SMAD3: variants seen among roughly 807,000 people sequenced by gnomAD.
SMAD3 encodes SMAD family member 3, also known as MAD homolog 3.
SMAD3 carries 12 observed loss-of-function variants against 51.8 expected under a neutral mutation model. That is an observed-to-expected ratio of 0.23 (90% CI 0.15 to 0.38). The LOEUF (loss-of-function observed/expected upper bound fraction) is 0.38. SMAD3 is among the 10% of genes least tolerant of loss of function. The pLI is 1.00. For synonymous variants in SMAD3, 238 were observed against 227.7 expected (o/e 1.05, Z -0.41); for missense variants, 294 against 565.6 (o/e 0.52, Z 4.87).
At chr15:67,080,031 C>A (rs549249501) in intron 1 of SMAD3, among the ~76,000 whole-genome samples, 2 of 152,124 alleles carry the variant, frequency 1.3e-5, no homozygotes, top group African/African-American at 4.8e-5. Flanking sequence ...TGAAAAGGGG[C>A]AGCATTATTA....
In SMAD3 at chr15:67,129,199, CA is replaced by C. The variant is rs766485559; in HGVS notation, c.207-35695del. Reference sequence around the variant, plus strand: ...ATGGGAAACATAAAGCAGGAACTAACAGGACTCCTCTCTCAAGAAGGAATTT... The same window carrying C: ...ATGGGAAACATAAAGCAGGAACTAACGGACTCCTCTCTCAAGAAGGAATTT... On this transcript the variant is annotated intron_variant, in intron 1 of 8. Transcript: ENST00000327367. Among the ~76,000 whole-genome samples, 8 of 152,322 alleles carry C rather than the reference CA, an allele frequency of 5.3e-5. 1 individual carries two copies. The East Asian group carries it at 1.4e-3, about 26-fold the overall frequency.
intron 6 of SMAD3, among the ~76,000 whole-genome samples, chr15:67,183,019 ATATATATATATATTTT>A (rs1229738026): frequency 1.1e-4 from 8 of 73,592 alleles, no homozygotes; most frequent in East Asian, 1.0e-3. Context: ...ATATATATAT[ATATATATATATATTTT>A]TTTTTTTTTT....
chr15:67,173,501 G>A (rs1391922370), intron 5 of SMAD3, among the ~76,000 whole-genome samples: 1 of 152,182 alleles, frequency 6.6e-6, no homozygotes. Context: ...TCTGAGGACA[G>A]CTGGCATGGT....
intron 1 of SMAD3, among the ~76,000 whole-genome samples, chr15:67,113,583 G>T (rs1272123667): frequency 1.3e-5 from 2 of 152,208 alleles, no homozygotes; most frequent in African/African-American, 4.8e-5. Flanking sequence ...AGGTTTGTGA[G>T]ATTGTTGGAA....
rs140181836 is a variant in SMAD3, at chr15:67,184,049, C to T, written c.872-678C>T. Among the ~76,000 whole-genome samples the T allele has an allele frequency of 1.9e-3, 281 of 150,954 alleles. 1 individual carries two copies. The highest frequency in any genetic ancestry group is 7.0e-3 in the Middle Eastern group (2 of 286). ...CAGCAAGAAAAGCTGACACCAGGCACTTACTGTGTGTCTCACAGTAATCCT... is the reference window on the plus strand; with the variant it reads ...CAGCAAGAAAAGCTGACACCAGGCATTTACTGTGTGTCTCACAGTAATCCT... On this transcript the variant is annotated intron_variant, in intron 6 of 8. Coordinates refer to ENST00000327367, the MANE Select transcript of SMAD3 (RefSeq NM_005902.4).
At chr15:67,074,705 T>A (rs1428828906) in intron 1 of SMAD3, among the ~76,000 whole-genome samples, 3 of 152,204 alleles carry the variant, frequency 2.0e-5, no homozygotes, top group African/African-American at 7.2e-5. Context: ...TTTTTTGTTT[T>A]TTGAGACGGA....
chr15:67,147,608 T>C (rs985821276), intron 1 of SMAD3, among the ~76,000 whole-genome samples: 1 of 152,264 alleles, frequency 6.6e-6, no homozygotes, highest in East Asian at 1.9e-4. Context: ...GCTGGAATAT[T>C]CTGCAAAAGG....
At chr15:67,186,065 G>C (rs551687593) in intron 7 of SMAD3, among the ~76,000 whole-genome samples, 1 of 152,376 alleles carries the variant, frequency 6.6e-6, no homozygotes, top group African/African-American at 2.4e-5. Flanking sequence ...ACCTCATTTA[G>C]TCCTCACCAG....
intron 1 of SMAD3, among the ~76,000 whole-genome samples, chr15:67,103,103 T>C (rs976737315): frequency 1.8e-4 from 28 of 152,232 alleles, no homozygotes; most frequent in African/African-American, 6.5e-4. Flanking sequence ...TGAAGGCAGC[T>C]TGTCTGTGTG....
chr15:67,191,922 T>C lies in SMAD3; in HGVS notation c.*1386T>C, dbSNP rs1963377008. 4.4e-6 allele frequency: 1 copy of C among 227,976 alleles called. No homozygotes were observed. The highest frequency in any genetic ancestry group is 2.2e-5 in the African/African-American group (1 of 45,032). 14.1% of individuals were successfully genotyped at this position (227,976 alleles called of 1,614,324 possible). On this transcript the variant is annotated 3_prime_UTR_variant, in exon 9 of 9. Coordinates refer to ENST00000327367, the MANE Select transcript of SMAD3 (RefSeq NM_005902.4). ...GCAGCAATTAGGGAGAAAACTAGTC[T>C]AAATTATTTCAACTGGAAAAAAGAA...
chr15:67,121,534 T>C (rs906464776), intron 1 of SMAD3, among the ~76,000 whole-genome samples: 1 of 152,196 alleles, frequency 6.6e-6, no homozygotes, highest in Admixed American at 6.5e-5. Flanking sequence ...GAGAGCTTGC[T>C]CTTGGGGCAG....
At chr15:67,110,036 TTGCC>T (rs2140233004) in intron 1 of SMAD3, among the ~76,000 whole-genome samples, 1 of 152,364 alleles carries the variant, frequency 6.6e-6, no homozygotes, top group Non-Finnish European at 1.5e-5. Flanking sequence ...AGAAGAATGT[TTGCC>T]TTTTAGGAGT....
intron 1 of SMAD3, chr15:67,125,616 A>G (rs1216519623): frequency 1.5e-6 from 1 of 666,762 alleles, no homozygotes; most frequent in African/African-American, 2.0e-5. Flanking sequence ...GATGGCTTGC[A>G]TCCAGAGTGC....
intron 1 of SMAD3, among the ~76,000 whole-genome samples, chr15:67,077,449 G>A (rs895289730): frequency 6.6e-6 from 1 of 152,164 alleles, no homozygotes; most frequent in East Asian, 1.9e-4. Context: ...TTCAAAAAGT[G>A]GAGCAGAGAG....
chr15:67,113,004 A>G (rs1192963049), intron 1 of SMAD3, among the ~76,000 whole-genome samples: 1 of 125,994 alleles, frequency 7.9e-6, no homozygotes, highest in Non-Finnish European at 1.6e-5. Flanking sequence ...TGATCCATAC[A>G]TCTATCCTCA....
intron 1 of SMAD3, among the ~76,000 whole-genome samples, chr15:67,111,248 G>GTGGACTTT (rs987056816): frequency 2.4e-4 from 37 of 152,312 alleles, no homozygotes; most frequent in African/African-American, 8.9e-4. Flanking sequence ...CATACAATTT[G>GTGGACTTT]TGGACTTTTG....
chr15:67,114,490 T>C (rs1961093080), intron 1 of SMAD3, among the ~76,000 whole-genome samples: 1 of 152,190 alleles, frequency 6.6e-6, no homozygotes, highest in South Asian at 2.1e-4. Context: ...AATAAAGGGC[T>C]TTACCATTTT....
At chr15:67,123,455 T>C (rs4776893) in intron 1 of SMAD3, among the ~76,000 whole-genome samples, 149,941 of 152,292 alleles carry the variant, frequency 0.98, 73,857 homozygotes, top group East Asian at 1. Flanking sequence ...GCCAAGATTG[T>C]GCCATCGCAC....
At chr15:67,152,330 A>G (rs1440610303) in intron 1 of SMAD3, among the ~76,000 whole-genome samples, 3 of 145,542 alleles carry the variant, frequency 2.1e-5, no homozygotes, top group African/African-American at 7.8e-5. Context: ...TGACAATGCA[A>G]ATTAATTTGA....
Sources: allele counts gnomAD v4.1 joint callset (sites outside exome capture counted in the v4.1 genomes callset), GRCh38; gene constraint gnomAD v4.1.1; transcripts MANE v1.5; gene names NCBI Gene and HGNC (gene_info 2026-07-23, HGNC 2026-07-21).